The following MSI2 variants were observed in gnomAD, a reference collection of about 807,000 sequenced individuals.
MSI2 encodes musashi RNA binding protein 2.
In MSI2, 17 loss-of-function variants were observed where a neutral mutation model predicts 45.6. The ratio of observed to expected loss-of-function variants is 0.37; its 90% CI spans 0.26 to 0.56. MSI2 has a LOEUF of 0.56. Among genes scored for constraint, MSI2 ranks in the 20% least tolerant of loss-of-function variants. The pLI is 0.77. For missense variants in MSI2, 293 were observed against 444.2 expected (o/e 0.66, Z 3.06); for synonymous variants, 156 against 158.2 (o/e 0.99, Z 0.11).
At position 57,413,480 on chromosome 17, in the gene MSI2, C is replaced by T. The variant is rs186364823; in HGVS notation, c.405+12009C>T. 6.1e-4 allele frequency among the ~76,000 whole-genome samples: 93 copies of T among 152,042 alleles called. No individual in the cohort carries two copies. The Middle Eastern group carries it at 0.017, about 28-fold the overall frequency. On this transcript the variant is annotated intron_variant, in intron 6 of 13. Coordinates refer to ENST00000284073, the MANE Select transcript of MSI2 (RefSeq NM_138962.4). ...CTTCTGGGTGGATCCTTCTGATGAA[C>T]ACTCTTTACATTTCTTTCTCGAATA...
intron 6 of MSI2, among the ~76,000 whole-genome samples, chr17:57,515,891 C>A (rs1196100406): frequency 1.3e-5 from 2 of 151,992 alleles, no homozygotes; most frequent in Non-Finnish European, 2.9e-5. Context: ...CTTGTGGTTT[C>A]TTTTTATTAT....
intron 6 of MSI2, among the ~76,000 whole-genome samples, chr17:57,492,605 C>T (rs1236662577): frequency 7.1e-6 from 1 of 140,750 alleles, no homozygotes; most frequent in African/African-American, 2.4e-5. Flanking sequence ...TTTGGGTTCT[C>T]AGTTTTGTTT....
chr17:57,315,201 C>G (rs529337153), intron 5 of MSI2, among the ~76,000 whole-genome samples: 23 of 152,310 alleles, frequency 1.5e-4, no homozygotes, highest in African/African-American at 5.3e-4. Flanking sequence ...AGAGCAGGAG[C>G]TCATGGTCTT....
At chr17:57,676,347 C>T (rs565712162) in intron 12 of MSI2, among the ~76,000 whole-genome samples, 7 of 152,326 alleles carry the variant, frequency 4.6e-5, no homozygotes, top group Non-Finnish European at 4.4e-5. Flanking sequence ...TGTTCAGCTC[C>T]GCTCCCAAGC....
intron 7 of MSI2, among the ~76,000 whole-genome samples, chr17:57,564,875 G>C (rs1371577957): frequency 1.3e-5 from 2 of 152,164 alleles, no homozygotes; most frequent in Non-Finnish European, 2.9e-5. Context: ...TTATCCATTG[G>C]ACAGTACCTC....
intron 7 of MSI2, among the ~76,000 whole-genome samples, chr17:57,568,317 A>G (rs537663586): frequency 1.3e-5 from 2 of 152,334 alleles, no homozygotes; most frequent in African/African-American, 4.8e-5. Context: ...GGGATGATCT[A>G]TAAGGTGGGC....
At chr17:57,366,170 C>A (rs905522203) in intron 5 of MSI2, among the ~76,000 whole-genome samples, 3 of 152,180 alleles carry the variant, frequency 2.0e-5, no homozygotes, top group Admixed American at 1.3e-4. Flanking sequence ...GTTTCGGCCT[C>A]CCAAAGTGCT....
intron 6 of MSI2, among the ~76,000 whole-genome samples, chr17:57,446,711 T>G (rs2084906780): frequency 6.6e-6 from 1 of 152,174 alleles, no homozygotes; most frequent in South Asian, 2.1e-4. Context: ...TGACTCTGAA[T>G]GGCTCCATCT....
intron 3 of MSI2, 143 bp from the exon 4 acceptor site, chr17:57,258,127 G>A (rs1437394243): frequency 3.0e-6 from 2 of 668,414 alleles, no homozygotes; most frequent in Non-Finnish European, 5.4e-6. Context: ...GTAGGCAGGA[G>A]GGGAATTGGA....
chr17:57,559,168 C>G (rs1335509418), intron 7 of MSI2, among the ~76,000 whole-genome samples: 4 of 152,212 alleles, frequency 2.6e-5, no homozygotes, highest in Non-Finnish European at 5.9e-5. Flanking sequence ...AGAATAGACA[C>G]AGACATCAAC....
At chr17:57,480,556 AATAT>A in intron 6 of MSI2, among the ~76,000 whole-genome samples, 1 of 152,288 alleles carries the variant, frequency 6.6e-6, no homozygotes, top group African/African-American at 2.4e-5. Flanking sequence ...GCCCTTCAGT[AATAT>A]ATTCAGAATT....
chr17:57,511,411 A>G (rs1453224683), intron 6 of MSI2, among the ~76,000 whole-genome samples: 3 of 152,166 alleles, frequency 2.0e-5, no homozygotes, highest in Non-Finnish European at 4.4e-5. Context: ...ACTTACCCAG[A>G]GACACAGAGA....
At chr17:57,638,547 G>A (rs981924598) in intron 10 of MSI2, among the ~76,000 whole-genome samples, 1 of 152,160 alleles carries the variant, frequency 6.6e-6, no homozygotes. Context: ...TGAAAACTTA[G>A]TCCATTCTGG....
intron 5 of MSI2, among the ~76,000 whole-genome samples, chr17:57,305,482 G>C (rs1250029249): frequency 1.3e-5 from 2 of 152,222 alleles, no homozygotes; most frequent in South Asian, 4.1e-4. Flanking sequence ...CTCTGCGCCA[G>C]CAAGACCTCT....
At chr17:57,328,991 G>A (rs1914045848) in intron 5 of MSI2, among the ~76,000 whole-genome samples, 1 of 152,098 alleles carries the variant, frequency 6.6e-6, no homozygotes, top group African/African-American at 2.4e-5. Flanking sequence ...TCTCTTGGGA[G>A]GCTGAGGCAG....
intron 9 of MSI2, 192 bp downstream of exon 9, chr17:57,616,276 C>A: frequency 1.9e-6 from 1 of 531,936 alleles, no homozygotes; most frequent in Non-Finnish European, 3.3e-6. Flanking sequence ...TGTGTGTGTG[C>A]ATGCATGTGT....
chr17:57,549,166 G>T (rs1315229985), intron 7 of MSI2, among the ~76,000 whole-genome samples: 1 of 152,154 alleles, frequency 6.6e-6, no homozygotes, highest in South Asian at 2.1e-4. Flanking sequence ...TGAGCCGCCG[G>T]GCGCCGGCCG....
At chr17:57,302,040 C>T (rs1018277615) in intron 5 of MSI2, among the ~76,000 whole-genome samples, 11 of 152,114 alleles carry the variant, frequency 7.2e-5, no homozygotes, top group African/African-American at 9.7e-5. Flanking sequence ...TGTGGAATCT[C>T]GTTGTGGTTT....
intron 5 of MSI2, among the ~76,000 whole-genome samples, chr17:57,374,591 A>C (rs996596143): frequency 1.3e-5 from 2 of 152,050 alleles, no homozygotes; most frequent in Non-Finnish European, 2.9e-5. Flanking sequence ...AGCCTGGCCA[A>C]CATAGTGAAA....
Sources: allele counts gnomAD v4.1 joint callset (sites outside exome capture counted in the v4.1 genomes callset), GRCh38; gene constraint gnomAD v4.1.1; transcripts MANE v1.5; gene names NCBI Gene and HGNC (gene_info 2026-07-23, HGNC 2026-07-21).